FREM2: variants seen among roughly 807,000 people sequenced by gnomAD.
The protein encoded by FREM2 is FRAS1 related extracellular matrix 2, also known as FRAS1-related extracellular matrix protein 2.
A neutral mutation model predicts 219.9 loss-of-function variants in FREM2; 119 were observed. The observed-to-expected ratio is 0.54, with a 90% CI of 0.47 to 0.63. The LOEUF (loss-of-function observed/expected upper bound fraction) is 0.63. FREM2 is among the 30% of genes least tolerant of loss of function. The probability of loss-of-function intolerance (pLI) is 0.00; values close to 1 mark genes in which losing one functional copy is unlikely to be tolerated. For missense variants in FREM2, 4,030 were observed against 3,993.6 expected (o/e 1.01, Z -0.25); for synonymous variants, 1,562 against 1,522.8 (o/e 1.03, Z -0.60).
intron 2 of FREM2, among the ~76,000 whole-genome samples, chr13:38,738,039 A>G (rs1872069827): frequency 6.6e-6 from 1 of 152,192 alleles, no homozygotes; most frequent in East Asian, 1.9e-4. Flanking sequence ...TGTGAATTCC[A>G]GAGATGCTGA....
chr13:38,861,706 T>C (rs1429881679), intron 15 of FREM2, 144 bp downstream of exon 15: 1 of 890,448 alleles, frequency 1.1e-6, no homozygotes, highest in Non-Finnish European at 1.8e-6. Flanking sequence ...TTCTTTCAAC[T>C]GTTTTAGCTT....
chr13:38,719,117 C>T (rs1024052965), intron 2 of FREM2, among the ~76,000 whole-genome samples: 6 of 152,268 alleles, frequency 3.9e-5, no homozygotes, highest in South Asian at 4.1e-4. Context: ...ATCTGGAAGC[C>T]GAAGAGGAGA....
intron 2 of FREM2, among the ~76,000 whole-genome samples, chr13:38,698,057 C>T (rs754500361): frequency 1.3e-5 from 2 of 152,112 alleles, no homozygotes; most frequent in Non-Finnish European, 2.9e-5. Flanking sequence ...ATCTCCATGT[C>T]TAGTTGTTCA....
intron 6 of FREM2, among the ~76,000 whole-genome samples, chr13:38,791,669 A>G (rs1365840637): frequency 6.6e-6 from 1 of 152,126 alleles, no homozygotes; most frequent in Non-Finnish European, 1.5e-5. Flanking sequence ...AGAACAGTAT[A>G]GGGGAACTGC....
At position 38,848,617 on chromosome 13, in the gene FREM2, C is replaced by T; in HGVS notation, c.6326C>T (p.Ala2109Val). Reference protein sequence around the residue: ...ELVLRMPMNAALGEPSKATVS... With the variant: ...ELVLRMPMNAVLGEPSKATVS... ...GTGCTTCGCATGCCTATGAACGCAG[C>T]CCTTGGCGAGCCCAGCAAAGCCACA... Residue 2109 changes from alanine (A) to valine (V), a missense_variant, in exon 8 of 24, where the codon GCC becomes GTC. This residue lies in a region of FREM2 where 3,102 missense variants were observed against 2,950.7 expected (regional missense o/e 1.05). Transcript: ENST00000280481. 6.2e-7 allele frequency: 1 copy of T among 1,613,946 alleles called. No individual in the cohort carries two copies. Among genetic ancestry groups the T allele is most frequent in the African/African-American group, 1.3e-5 (1 of 74,998 alleles).
chr13:38,810,375 G>A (rs1158164489), intron 6 of FREM2, among the ~76,000 whole-genome samples: 1 of 152,038 alleles, frequency 6.6e-6, no homozygotes, highest in African/African-American at 2.4e-5. Context: ...AGTGGTGAAA[G>A]TGGACATCCT....
At chr13:38,878,097 A>G (rs1878407149) in intron 21 of FREM2, 37 bp from the exon 22 acceptor site, 1 of 1,534,180 alleles carries the variant, frequency 6.5e-7, no homozygotes, top group Non-Finnish European at 9.0e-7. Context: ...ATACCTTATC[A>G]TATAACAGAA....
rs1045401511 is a variant in FREM2 at position 38,769,825 on chromosome 13, A to G, written c.5641+17A>G. The G allele has an allele frequency of 1.6e-5, 26 of 1,587,260 alleles. No individual in the cohort carries two copies. The highest frequency in any genetic ancestry group is 5.5e-5 in the South Asian group (5 of 90,602). ...CAGGAGATGGTAAGAGCCATCGTCA[A>G]CTGGTTTATGTTGTTGCTGTTGGGC... is the stretch of plus-strand genomic sequence containing the variant. On this transcript the variant is annotated intron_variant, in intron 4 of 23. Transcript: ENST00000280481.
chr13:38,780,696 CT>C (rs1593403513), intron 4 of FREM2, among the ~76,000 whole-genome samples: 1 of 152,182 alleles, frequency 6.6e-6, no homozygotes, highest in African/African-American at 2.4e-5. Flanking sequence ...CCAAAGACAA[CT>C]TTTTTGGCAA....
chr13:38,792,059 C>T (rs1162136993), intron 6 of FREM2, among the ~76,000 whole-genome samples: 5 of 152,104 alleles, frequency 3.3e-5, no homozygotes. Context: ...CAAAAATGTC[C>T]CTTTAGGCCA....
intron 2 of FREM2, among the ~76,000 whole-genome samples, chr13:38,706,465 G>T (rs1870544139): frequency 1.3e-5 from 2 of 152,240 alleles, no homozygotes; most frequent in Non-Finnish European, 1.5e-5. Context: ...AGTAAATTTA[G>T]GCACTGAGAA....
intron 17 of FREM2, among the ~76,000 whole-genome samples, chr13:38,873,331 G>T (rs1350173884): frequency 6.6e-6 from 1 of 152,162 alleles, no homozygotes; most frequent in African/African-American, 2.4e-5. Context: ...AAAAAAAGAG[G>T]TGCATTTAAA....
At chr13:38,751,080 A>T (rs917697863) in intron 2 of FREM2, among the ~76,000 whole-genome samples, 1 of 151,984 alleles carries the variant, frequency 6.6e-6, no homozygotes, top group African/African-American at 2.4e-5. Flanking sequence ...TGTCTCAGCC[A>T]TTGTAAATAA....
intron 16 of FREM2, 27 bp downstream of exon 16, chr13:38,864,633 G>A: frequency 1.9e-6 from 3 of 1,592,038 alleles, no homozygotes; most frequent in Non-Finnish European, 2.6e-6. Context: ...TCTGAGTTTG[G>A]TCACTGGATA....
At position 38,880,544 on chromosome 13, in the gene FREM2, T is replaced by A. The variant is rs755021776; in HGVS notation, c.9267T>A (p.His3089Gln). 3 of 1,614,028 alleles carry A rather than the reference T, an allele frequency of 1.9e-6. No homozygotes were observed. Among genetic ancestry groups the A allele is most frequent in the African/African-American group, 2.7e-5 (2 of 74,910 alleles). Residue 3089 changes from histidine (H) to glutamine (Q), a missense_variant, in exon 24 of 24, where the codon CAT becomes CAA. Physicochemically the swap from His to Gln is conservative, Grantham distance 24 (BLOSUM62 0). This residue lies in a region of FREM2 where 928 missense variants were observed against 1,042.9 expected (regional missense o/e 0.89). Transcript: ENST00000280481. The stretch of plus-strand genomic sequence containing the variant: ...ACCGCACCAAGAGGCAGATCCCCCA[T>A]GGGAGAGCACCTCCAGATGGCATCC... Reference protein sequence around the residue: ...ALDRTKRQIPHGRAPPDGILP... With the variant: ...ALDRTKRQIPQGRAPPDGILP...
At chr13:38,843,090 C>T (rs1204632630) in intron 6 of FREM2, among the ~76,000 whole-genome samples, 3 of 152,182 alleles carry the variant, frequency 2.0e-5, no homozygotes, top group Non-Finnish European at 4.4e-5. Flanking sequence ...TGCTCACAGA[C>T]AATTTGGATA....
chr13:38,876,446 T>TTTA, intron 20 of FREM2, 64 bp downstream of exon 20: 1 of 1,111,536 alleles, frequency 9.0e-7, no homozygotes, highest in Non-Finnish European at 1.3e-6. Context: ...CATTTATTAG[T>TTTA]AAAAAAAAAA....
chr13:38,865,021 A>G (rs1877909014), intron 16 of FREM2, among the ~76,000 whole-genome samples: 8 of 151,994 alleles, frequency 5.3e-5, no homozygotes, highest in Admixed American at 5.2e-4. Context: ...GAGTCAGCCT[A>G]ATTTTTCTCC....
chr13:38,758,448 C>A (rs1005214150), intron 2 of FREM2, among the ~76,000 whole-genome samples: 2 of 152,192 alleles, frequency 1.3e-5, no homozygotes, highest in African/African-American at 4.8e-5. Flanking sequence ...CTCTTGTGAA[C>A]TCCCACAGCT....
Sources: gnomAD v4.1 joint callset for allele counts (sites outside exome capture counted in the v4.1 genomes callset) on GRCh38, gnomAD v4.1.1 for gene constraint, gnomAD v4.1.1 regional missense constraint, MANE v1.5 for transcripts, NCBI Gene and HGNC (gene_info 2026-07-23, HGNC 2026-07-21) for gene names.